Variants in TPRG1 observed in about 807,000 individuals in gnomAD.
TPRG1 encodes tumor protein p63 regulated 1.
TPRG1 carries 29 observed loss-of-function variants against 29.3 expected under a neutral mutation model. That is an observed-to-expected ratio of 0.99 (90% confidence interval 0.74 to 1.35). The LOEUF is 1.35. Among genes scored for constraint, TPRG1 ranks in the 40% most tolerant of loss-of-function variants. The pLI, the probability that TPRG1 is intolerant of heterozygous loss-of-function variation, is 0.00. For synonymous variants in TPRG1, 130 were observed against 116.8 expected (o/e 1.11, Z -0.73); for missense variants, 327 against 335.0 (o/e 0.98, Z 0.19).
intron 4 of TPRG1, among the ~76,000 whole-genome samples, chr3:189,050,939 T>A (rs1292339872): frequency 6.6e-6 from 1 of 152,132 alleles, no homozygotes; most frequent in Non-Finnish European, 1.5e-5. Context: ...TACCTTAATG[T>A]AATAAAAGCC....
chr3:189,063,717 A>G (rs551962268), intron 4 of TPRG1, among the ~76,000 whole-genome samples: 7 of 152,272 alleles, frequency 4.6e-5, no homozygotes, highest in African/African-American at 1.7e-4. Context: ...ACCAAATTAA[A>G]TTGAAACAAT....
intron 1 of TPRG1, among the ~76,000 whole-genome samples, chr3:189,187,330 G>A (rs1731073813): frequency 6.7e-6 from 1 of 150,082 alleles, no homozygotes; most frequent in African/African-American, 2.5e-5. Context: ...TTTTTGAGAT[G>A]GAGTCTCACT....
At chr3:189,015,361 T>C (rs560600062) in intron 3 of TPRG1, among the ~76,000 whole-genome samples, 1 of 152,300 alleles carries the variant, frequency 6.6e-6, no homozygotes, top group Non-Finnish European at 1.5e-5. Flanking sequence ...GGTCTGAAAT[T>C]GAAACTTATG....
intron 1 of TPRG1, among the ~76,000 whole-genome samples, chr3:189,120,850 C>T (rs1231968027): frequency 6.6e-6 from 1 of 152,196 alleles, no homozygotes. Context: ...AAATTCTTCT[C>T]ATGGTCACAC....
At chr3:189,171,297 GA>G (rs1728783706), upstream of TPRG1, among the ~76,000 whole-genome samples, 1 of 152,246 alleles carries the variant, frequency 6.6e-6, no homozygotes, top group Non-Finnish European at 1.5e-5. Context: ...GATAGATTAT[GA>G]CTTGCTATAG....
intron 3 of TPRG1, among the ~76,000 whole-genome samples, chr3:189,014,708 T>C (rs1157298457): frequency 1.3e-5 from 2 of 152,152 alleles, no homozygotes; most frequent in Non-Finnish European, 2.9e-5. Flanking sequence ...CCCCTTTGCT[T>C]TCTCTTTCTC....
intron 5 of TPRG1, among the ~76,000 whole-genome samples, chr3:189,163,370 A>C (rs1181140085): frequency 1.3e-5 from 2 of 152,152 alleles, no homozygotes; most frequent in Non-Finnish European, 2.9e-5. Context: ...ACCTTGCTTT[A>C]GTTGGTATTT....
chr3:189,308,067 C>G (rs2109302346), intron 4 of TPRG1, among the ~76,000 whole-genome samples: 1 of 152,268 alleles, frequency 6.6e-6, no homozygotes, highest in East Asian at 1.9e-4. Context: ...TGACCACCTA[C>G]ACTATTCACA....
At chr3:189,032,327 T>G (rs1713974793) in intron 4 of TPRG1, among the ~76,000 whole-genome samples, 1 of 152,172 alleles carries the variant, frequency 6.6e-6, no homozygotes, top group Non-Finnish European at 1.5e-5. Flanking sequence ...ATTCTTCCCC[T>G]AGGGCCTCCA....
chr3:189,126,859 C>T (rs2108520200), intron 1 of TPRG1, among the ~76,000 whole-genome samples: 1 of 151,922 alleles, frequency 6.6e-6, no homozygotes, highest in Non-Finnish European at 1.5e-5. Flanking sequence ...AGAAAGACAG[C>T]TCTTATTCAC....
chr3:189,143,605 A>G (rs1724864336), intron 3 of TPRG1, among the ~76,000 whole-genome samples: 1 of 152,216 alleles, frequency 6.6e-6, no homozygotes, highest in South Asian at 2.1e-4. Flanking sequence ...TTTTCCAGGT[A>G]GCCTGAGAAC....
At chr3:189,210,179 A>T (rs1365661217) in intron 2 of TPRG1, among the ~76,000 whole-genome samples, 1 of 152,130 alleles carries the variant, frequency 6.6e-6, no homozygotes, top group African/African-American at 2.4e-5. Flanking sequence ...CTCATCTACA[A>T]AGTATAGATA....
At chr3:189,141,513 A>T (rs1578507211) in intron 3 of TPRG1, among the ~76,000 whole-genome samples, 1 of 152,146 alleles carries the variant, frequency 6.6e-6, no homozygotes, top group African/African-American at 2.4e-5. Context: ...CAAGTGCAGG[A>T]TGCTGTGGGG....
intron 1 of TPRG1, among the ~76,000 whole-genome samples, chr3:189,192,617 T>C (rs1027346782): frequency 5.3e-5 from 8 of 152,228 alleles, no homozygotes; most frequent in African/African-American, 1.9e-4. Flanking sequence ...GGATGAGAAT[T>C]TACTCCTGTC....
chr3:189,075,624 C>T (rs2152161262), intron 4 of TPRG1, among the ~76,000 whole-genome samples: 1 of 152,234 alleles, frequency 6.6e-6, no homozygotes, highest in South Asian at 2.1e-4. Flanking sequence ...AGTTCTGAGT[C>T]TGATTTTATA....
At chr3:189,265,413 C>G (rs1467929862) in intron 4 of TPRG1, among the ~76,000 whole-genome samples, 1 of 152,164 alleles carries the variant, frequency 6.6e-6, no homozygotes, top group Non-Finnish European at 1.5e-5. Context: ...TTCTACATGA[C>G]AATCCTGTAA....
chr3:189,320,158 T>G (rs1379040834), intron 5 of TPRG1, among the ~76,000 whole-genome samples: 1 of 152,082 alleles, frequency 6.6e-6, no homozygotes, highest in Non-Finnish European at 1.5e-5. Flanking sequence ...GGGGTTTTTT[T>G]GCCTGTCTGT....
At chr3:189,149,444 C>T (rs865929090) in intron 4 of TPRG1, among the ~76,000 whole-genome samples, 1 of 152,192 alleles carries the variant, frequency 6.6e-6, no homozygotes, top group African/African-American at 2.4e-5. Flanking sequence ...GCTGAGTTAT[C>T]AAGATCTCTA....
intron 4 of TPRG1, among the ~76,000 whole-genome samples, chr3:189,027,437 A>G (rs797010143): frequency 2.6e-5 from 4 of 152,328 alleles, no homozygotes; most frequent in African/African-American, 7.2e-5. Context: ...TGAAAATCTC[A>G]TTTTTCTGCA....
Sources: gnomAD v4.1 joint callset for allele counts (sites outside exome capture counted in the v4.1 genomes callset) on GRCh38, gnomAD v4.1.1 for gene constraint, MANE v1.5 for transcripts, NCBI Gene and HGNC (gene_info 2026-07-23, HGNC 2026-07-21) for gene names.